HEATR4: variants seen among roughly 807,000 people sequenced by gnomAD.
HEATR4 encodes the protein HEAT repeat containing 4.
HEATR4 carries 95 observed loss-of-function variants against 108.8 expected under a neutral mutation model. The ratio of observed to expected loss-of-function variants is 0.87; its 90% CI spans 0.74 to 1.04. The LOEUF is 1.04. Among genes scored for constraint, HEATR4 ranks in the 50% least tolerant of loss-of-function variants. The probability of loss-of-function intolerance (pLI) is 0.00; values close to 1 mark genes in which losing one functional copy is unlikely to be tolerated. For synonymous variants in HEATR4, 443 were observed against 459.4 expected (o/e 0.96, Z 0.46); for missense variants, 1,152 against 1,253.8 (o/e 0.92, Z 1.23).
intron 17 of HEATR4, among the ~76,000 whole-genome samples, chr14:73,483,590 T>C (rs1885334899): frequency 6.6e-6 from 1 of 152,216 alleles, no homozygotes; most frequent in Non-Finnish European, 1.5e-5. Flanking sequence ...CACAATTGTA[T>C]ATTAGGATAA....
intron 11 of HEATR4, among the ~76,000 whole-genome samples, chr14:73,501,718 G>T (rs929268100): frequency 6.6e-6 from 1 of 151,534 alleles, no homozygotes; most frequent in Non-Finnish European, 1.5e-5. Context: ...GGGACTACAG[G>T]CATACACCAC....
the HEATR4 span, among the ~76,000 whole-genome samples, chr14:73,576,231 AGT>A: frequency 6.6e-6 from 1 of 152,004 alleles, no homozygotes; most frequent in Non-Finnish European, 1.5e-5. Context: ...TAATATAAAA[AGT>A]GTATCAGATT....
the HEATR4 span, among the ~76,000 whole-genome samples, chr14:73,564,788 C>A: frequency 0.19 from 25,751 of 134,012 alleles, 2,990 homozygotes; most frequent in East Asian, 0.31. Context: ...TGGTATCGAA[C>A]TCCTCCTGGG....
At chr14:73,583,316 T>C in the HEATR4 span, among the ~76,000 whole-genome samples, 1 of 147,964 alleles carries the variant, frequency 6.8e-6, no homozygotes, top group African/African-American at 2.5e-5. Flanking sequence ...GCCATTGCAC[T>C]CCAGCCTAGG....
intron 17 of HEATR4, among the ~76,000 whole-genome samples, chr14:73,481,177 G>A (rs992658915): frequency 6.6e-6 from 1 of 151,730 alleles, no homozygotes; most frequent in Non-Finnish European, 1.5e-5. Context: ...GTTGGCTGAC[G>A]CCTGTAATCC....
At chr14:73,584,088 A>G in the HEATR4 span, among the ~76,000 whole-genome samples, 3 of 151,944 alleles carry the variant, frequency 2.0e-5, no homozygotes, top group Non-Finnish European at 4.4e-5. Context: ...GGGCATGTAT[A>G]CAACTTCCTA....
chr14:73,569,977 C>G, the HEATR4 span: 134 of 1,459,314 alleles, frequency 9.2e-5, no homozygotes, highest in East Asian at 2.9e-3. Flanking sequence ...TATGCCCCCC[C>G]GCCGCGCCCC....
chr14:73,594,714 C>T, the HEATR4 span, among the ~76,000 whole-genome samples: 3 of 114,906 alleles, frequency 2.6e-5, no homozygotes, highest in Admixed American at 8.1e-5. Context: ...ATTTATTTAT[C>T]TTTTGAGACG....
At chr14:73,580,563 G>A in the HEATR4 span, 3 of 152,118 alleles carry the variant, frequency 2.0e-5, no homozygotes, top group Admixed American at 2.0e-4. Context: ...AGAGTTTGGA[G>A]TGCAGAAGAG....
chr14:73,593,336 CTTTT>C, the HEATR4 span, among the ~76,000 whole-genome samples: 14 of 104,846 alleles, frequency 1.3e-4, no homozygotes, highest in Admixed American at 4.8e-4. Context: ...TTCTTTCTTT[CTTTT>C]TTTTTTTTTT....
the HEATR4 span, chr14:73,580,887 A>G: frequency 1.3e-5 from 2 of 152,156 alleles, no homozygotes; most frequent in Admixed American, 6.6e-5. Flanking sequence ...TCAGAGTTCT[A>G]TCTTGAGACT....
At chr14:73,618,384 G>A in the HEATR4 span, among the ~76,000 whole-genome samples, 2 of 146,238 alleles carry the variant, frequency 1.4e-5, no homozygotes, top group Non-Finnish European at 1.5e-5. Flanking sequence ...TTCTGGGTTC[G>A]TCGGTGTATA....
chr14:73,606,379 C>CA, the HEATR4 span, among the ~76,000 whole-genome samples: 1,378 of 87,004 alleles, frequency 0.016, 12 homozygotes, highest in African/African-American at 0.028. Flanking sequence ...ACAAACAAAA[C>CA]AAAACAAAAA....
upstream of HEATR4, among the ~76,000 whole-genome samples, chr14:73,560,014 T>A (rs1889491184): frequency 2.6e-5 from 4 of 152,110 alleles, no homozygotes; most frequent in African/African-American, 9.6e-5. Flanking sequence ...CTGGCTAGAT[T>A]ATTAGCCATT....
At chr14:73,625,710 T>G in the HEATR4 span, among the ~76,000 whole-genome samples, 1 of 152,312 alleles carries the variant, frequency 6.6e-6, no homozygotes, top group African/African-American at 2.4e-5. Flanking sequence ...GTTACTACTG[T>G]AATTGTTTTG....
chr14:73,585,824 T>C, the HEATR4 span, among the ~76,000 whole-genome samples: 13 of 128,330 alleles, frequency 1.0e-4, no homozygotes, highest in African/African-American at 4.6e-4. Context: ...CTTTTTCTTT[T>C]TTTTTTTTTT....
intron 5 of HEATR4, among the ~76,000 whole-genome samples, chr14:73,515,068 C>CAA (rs57176723): frequency 4.0e-4 from 44 of 110,648 alleles, no homozygotes; most frequent in African/African-American, 1.2e-3. Flanking sequence ...ACTCCGTTCT[C>CAA]AAAAAAAAAA....
chr14:73,620,245 C>A, the HEATR4 span, among the ~76,000 whole-genome samples: 1 of 152,094 alleles, frequency 6.6e-6, no homozygotes, highest in Non-Finnish European at 1.5e-5. Context: ...CCGTAGCAAC[C>A]TTTTTAGTGA....
rs267604048 is a variant in HEATR4 at position 73,506,476 on chromosome 14, A to G, written c.1977T>C (p.Asn659=). Residue 659 remains asparagine, a synonymous_variant, in exon 10 of 18, where the codon AAT becomes AAC. Coordinates refer to ENST00000553558, the MANE Select transcript of HEATR4 (RefSeq NM_001220484.1). ...AAAGAAAGAGGTTTACCAAGCAGACATTTCCACTGATCCGGGAGAAAGCCT... is the reference window on the plus strand; with the variant it reads ...AAAGAAAGAGGTTTACCAAGCAGACGTTTCCACTGATCCGGGAGAAAGCCT... ...ACQAFSRISG[N]VCLDMKHKLI... 1.2e-6 allele frequency: 2 copies of G among 1,613,114 alleles called. No individual in the cohort carries two copies. The highest frequency in any genetic ancestry group is 2.7e-5 in the African/African-American group (2 of 74,906).
Sources: gnomAD v4.1 joint callset for allele counts (sites outside exome capture counted in the v4.1 genomes callset) on GRCh38, gnomAD v4.1.1 for gene constraint, MANE v1.5 for transcripts, NCBI Gene and HGNC (gene_info 2026-07-23, HGNC 2026-07-21) for gene names.